ZNF536: variants seen among roughly 807,000 people sequenced by gnomAD.
ZNF536 encodes zinc finger protein 536.
ZNF536 carries 13 observed loss-of-function variants against 84.5 expected under a neutral mutation model. The observed-to-expected ratio is 0.15, with a 90% CI of 0.10 to 0.24. ZNF536 has a LOEUF of 0.24. Ranked by LOEUF, ZNF536 falls within the 10% of genes least tolerant of loss-of-function variation. The probability of loss-of-function intolerance (pLI) is 1.00; values close to 1 mark genes in which losing one functional copy is unlikely to be tolerated. For missense variants in ZNF536, 1,536 were observed against 1,747.5 expected (o/e 0.88, Z 2.16); for synonymous variants, 811 against 742.5 (o/e 1.09, Z -1.50).
intron 1 of ZNF536, among the ~76,000 whole-genome samples, chr19:30,434,388 G>T (rs1037648847): frequency 5.9e-5 from 9 of 152,060 alleles, no homozygotes; most frequent in African/African-American, 1.7e-4. Flanking sequence ...CTGTTCCTTG[G>T]CCTCCTCAGA....
chr19:30,445,086 G>T lies in ZNF536; in HGVS notation c.1524G>T (p.Ala508=). 6.2e-7 allele frequency: 1 copy of T among 1,613,450 alleles called. No homozygotes were observed. The highest frequency in any genetic ancestry group is 8.5e-7 in the Non-Finnish European group (1 of 1,180,036). ...CCAGCTGCATCGAGCGGCTGCAGGCGGCTGCCAAGGCTGCGGAGATGGACC... is the reference window on the plus strand; with the variant it reads ...CCAGCTGCATCGAGCGGCTGCAGGCTGCTGCCAAGGCTGCGGAGATGGACC... The part of the protein sequence containing the change: ...LKSSCIERLQ[A]AAKAAEMDPV... Residue 508 remains alanine (A), a synonymous_variant, in exon 2 of 5, where the codon GCG becomes GCT. Transcript: ENST00000355537. This position sits in a 1 kb window ranked among gnomAD's most constrained non-coding sequence, Gnocchi z 4.5.
chr19:30,461,723 G>T (rs926349072), intron 2 of ZNF536, among the ~76,000 whole-genome samples: 33 of 152,190 alleles, frequency 2.2e-4, no homozygotes, highest in Non-Finnish European at 4.4e-5. Context: ...GTGTGAGCTT[G>T]CCCCCGTCTC....
At chr19:30,358,404 C>A (rs1019730721) in intron 3 of ZNF536, among the ~76,000 whole-genome samples, 4 of 152,160 alleles carry the variant, frequency 2.6e-5, no homozygotes, top group African/African-American at 9.7e-5. Context: ...AGTTTGGGGG[C>A]CACTTGTGGT....
In ZNF536 at chr19:30,364,953, G is replaced by A. The variant is rs1311163678; in HGVS notation, c.-3+12469G>A. Among the ~76,000 whole-genome samples the A allele has an allele frequency of 3.3e-5, 5 of 152,202 alleles. No homozygotes were observed. In the East Asian group the frequency reaches 9.6e-4, roughly 29 times the overall value. On this transcript the variant is annotated intron_variant, in intron 3 of 5. Coordinates refer to the ZNF536 transcript ENST00000585628. ...TATACTTCAGTTCCAAGAGTAAAAT[G>A]TTAGTTTGTTCAACTCTGCGCTTTA...
At chr19:30,226,986 CAA>C (rs373104006), upstream of ZNF536, among the ~76,000 whole-genome samples, 2 of 142,616 alleles carry the variant, frequency 1.4e-5, no homozygotes, top group Non-Finnish European at 1.5e-5. This position sits in a 1 kb window ranked among gnomAD's most constrained non-coding sequence, Gnocchi z 4.6. Flanking sequence ...GTATTTTAGG[CAA>C]AAAAAAAAAA....
chr19:30,519,944 TTCTGGGATGATTGGGCAGACCTGACTTAG>T (rs1458262412), intron 2 of ZNF536, among the ~76,000 whole-genome samples: 1 of 152,146 alleles, frequency 6.6e-6, no homozygotes, highest in Non-Finnish European at 1.5e-5. Flanking sequence ...GAAGGTTAAA[TTCTGGGATGATTGGGCAGACCTGACTTAG>T]TCTGGAAGAT....
At chr19:30,531,134 A>G (rs1331126371) in intron 2 of ZNF536, among the ~76,000 whole-genome samples, 1 of 152,244 alleles carries the variant, frequency 6.6e-6, no homozygotes, top group Non-Finnish European at 1.5e-5. Context: ...TCCAAAAAAA[A>G]TCCCTTTTCT....
chr19:30,255,444 G>T (rs1367875940), intron 1 of ZNF536, among the ~76,000 whole-genome samples: 5 of 75,412 alleles, frequency 6.6e-5, no homozygotes, highest in Non-Finnish European at 1.1e-4. Context: ...AAAGAACACG[G>T]GTTCGGGTGG....
intron 2 of ZNF536, among the ~76,000 whole-genome samples, chr19:30,486,328 A>G (rs181907781): frequency 6.6e-6 from 1 of 152,262 alleles, no homozygotes; most frequent in Admixed American, 6.5e-5. Context: ...TTCAGCTCCC[A>G]CTTAAAAGTG....
At chr19:30,274,114 C>A (rs1370653635) in intron 1 of ZNF536, among the ~76,000 whole-genome samples, 1 of 151,972 alleles carries the variant, frequency 6.6e-6, no homozygotes, top group Non-Finnish European at 1.5e-5. Flanking sequence ...AAGGAGATAC[C>A]AAGATAGTTC....
At chr19:30,457,581 A>AG in intron 2 of ZNF536, among the ~76,000 whole-genome samples, 1 of 152,344 alleles carries the variant, frequency 6.6e-6, no homozygotes, top group Non-Finnish European at 1.5e-5. Flanking sequence ...TGGGGGACGC[A>AG]GGACAGTTCT....
intron 1 of ZNF536, among the ~76,000 whole-genome samples, chr19:30,644,319 C>T (rs964533778): frequency 1.3e-5 from 2 of 151,950 alleles, no homozygotes; most frequent in Admixed American, 6.6e-5. Flanking sequence ...AAAGTATGTA[C>T]GTCTCCAGAG....
At chr19:30,698,165 G>A (rs895281152) in intron 1 of ZNF536, among the ~76,000 whole-genome samples, 3 of 151,960 alleles carry the variant, frequency 2.0e-5, no homozygotes, top group Non-Finnish European at 4.4e-5. Flanking sequence ...ATTGGTGCAC[G>A]CCTGTAGTCC....
chr19:30,378,361 A>G (rs1286962816), intron 1 of ZNF536, among the ~76,000 whole-genome samples: 1 of 152,176 alleles, frequency 6.6e-6, no homozygotes, highest in Non-Finnish European at 1.5e-5. Flanking sequence ...GGGTTTTGCC[A>G]TGTTGGCTAG....
intron 2 of ZNF536, among the ~76,000 whole-genome samples, chr19:30,489,221 C>T (rs2054411848): frequency 6.6e-6 from 1 of 152,196 alleles, no homozygotes; most frequent in Non-Finnish European, 1.5e-5. Flanking sequence ...AGAAACCAGC[C>T]ATTTGTGACT....
intron 1 of ZNF536, among the ~76,000 whole-genome samples, chr19:30,274,028 A>T (rs2025994808): frequency 6.6e-6 from 1 of 152,252 alleles, no homozygotes; most frequent in African/African-American, 2.4e-5. Context: ...TTTTCTACAA[A>T]TGAGCATATA....
chr19:30,597,751 A>G (rs1231811581), intron 1 of ZNF536, among the ~76,000 whole-genome samples: 1 of 152,190 alleles, frequency 6.6e-6, no homozygotes, highest in East Asian at 1.9e-4. Flanking sequence ...CTATTGTGGT[A>G]TGCATAGTTT....
At chr19:30,329,291 T>C (rs865828831) in intron 2 of ZNF536, among the ~76,000 whole-genome samples, 1 of 152,236 alleles carries the variant, frequency 6.6e-6, no homozygotes, top group Admixed American at 6.5e-5. Context: ...AATGCGGTCC[T>C]GCTTGCTGAA....
intron 2 of ZNF536, among the ~76,000 whole-genome samples, chr19:30,462,517 G>T (rs1164712536): frequency 6.6e-6 from 1 of 151,894 alleles, no homozygotes; most frequent in Non-Finnish European, 1.5e-5. Flanking sequence ...TGGCTGTCTT[G>T]GTATGAGAGA....
Sources: allele counts gnomAD v4.1 joint callset (sites outside exome capture counted in the v4.1 genomes callset), GRCh38; gene constraint gnomAD v4.1.1; non-coding constraint Gnocchi (gnomAD v3.1); transcripts MANE v1.5; gene names NCBI Gene and HGNC (gene_info 2026-07-23, HGNC 2026-07-21).